Variants in YLPM1 observed in about 807,000 individuals in gnomAD.
The protein encoded by YLPM1 is YLP motif-containing protein 1.
A neutral mutation model predicts 230.0 loss-of-function variants in YLPM1; 99 were observed. The ratio of observed to expected loss-of-function variants is 0.43; its 90% confidence interval spans 0.37 to 0.51. The LOEUF (loss-of-function observed/expected upper bound fraction) is 0.51. Ranked by LOEUF, YLPM1 falls within the 20% of genes least tolerant of loss-of-function variation. The probability of loss-of-function intolerance (pLI) is 0.00; values close to 1 mark genes in which losing one functional copy is unlikely to be tolerated. For synonymous variants in YLPM1, 984 were observed against 942.5 expected (o/e 1.04, Z -0.81); for missense variants, 2,592 against 2,707.7 (o/e 0.96, Z 0.95).
rs1240098446 is a variant in YLPM1, at chr14:74,764,269, C to G, written c.780C>G (p.Val260=). ...PSAPPGNKTT[V]QQEPLESGAK... is the part of the protein sequence containing the mutation. ...CCCCCCCTGGAAATAAGACAACTGTCCAGCAAGAGCCTTTGGAGAGTGGGG... is the reference window on the plus strand; with the variant it reads ...CCCCCCCTGGAAATAAGACAACTGTGCAGCAAGAGCCTTTGGAGAGTGGGG... The change falls in exon 1 of 21, where the codon GTC becomes GTG. Residue 260 remains valine (V), a synonymous_variant. Transcript: ENST00000325680. The G allele has an allele frequency of 6.2e-7, 1 of 1,613,780 alleles. No individual in the cohort carries two copies. The highest frequency in any genetic ancestry group is 1.3e-5 in the African/African-American group (1 of 74,894).
In YLPM1 at chr14:74,799,336, C is replaced by T. The variant is rs755105593; in HGVS notation, c.4039C>T (p.Arg1347Trp). 21 of 1,613,758 alleles carry T rather than the reference C, an allele frequency of 1.3e-5. No individual in the cohort carries two copies. In the Admixed American group the frequency reaches 1.3e-4, roughly 10 times the overall value. ...ACCTCTTCCACCTTTGGATAGATATCGGGATGATAGATGGAGAGAAGAAAG... is the reference window on the plus strand; with the variant it reads ...ACCTCTTCCACCTTTGGATAGATATTGGGATGATAGATGGAGAGAAGAAAG... ...LPPLPPLDRY[R>W]DDRWREERNR... Residue 1347 changes from arginine to tryptophan, a missense_variant, in exon 5 of 21, where the codon CGG becomes TGG. This residue lies in a region of YLPM1 where 1,862 missense variants were observed against 1,819.8 expected (regional missense o/e 1.02). Transcript: ENST00000325680.
At chr14:74,804,765 A>G (rs192919231) in intron 6 of YLPM1, among the ~76,000 whole-genome samples, 10 of 152,290 alleles carry the variant, frequency 6.6e-5, no homozygotes, top group Admixed American at 1.3e-4. Context: ...GATAATAACT[A>G]TATCTTTCAT....
rs750465435 is a variant in YLPM1, at chr14:74,798,130, G to A, written c.2833G>A (p.Val945Ile). 5 of 1,613,958 alleles carry A rather than the reference G, an allele frequency of 3.1e-6. No homozygotes were observed. The highest frequency in any genetic ancestry group is 1.3e-5 in the African/African-American group (1 of 75,016). The change falls in exon 5 of 21, where the codon GTA becomes ATA. Residue 945 changes from valine to isoleucine, a missense_variant. Val to Ile is a conservative substitution (Grantham distance 29). Around this residue, in one of 4 missense-constraint regions of YLPM1, gnomAD observed 1,862 missense variants for 1,819.8 expected, o/e 1.02. Transcript: ENST00000325680. ...IDKAQAVTQP[V>I]PLANKPVPAQ... ...CAAAGCCCAAGCTGTTACTCAGCCT[G>A]TACCCCTTGCGAATAAGCCTGTACC...
intron 17 of YLPM1, among the ~76,000 whole-genome samples, chr14:74,823,589 CAT>C (rs1258195629): frequency 1.3e-5 from 2 of 151,976 alleles, no homozygotes; most frequent in Non-Finnish European, 2.9e-5. Context: ...AAGAGGAAAA[CAT>C]AATTTTAAAA....
chr14:74,829,452 A>G (rs1049378332), intron 19 of YLPM1, 109 bp downstream of exon 19: 6 of 1,447,242 alleles, frequency 4.1e-6, no homozygotes, highest in South Asian at 1.3e-5. Flanking sequence ...AGAATGATTT[A>G]GTTTACGCTA....
intron 11 of YLPM1, among the ~76,000 whole-genome samples, chr14:74,815,768 T>C (rs2091473612): frequency 6.6e-6 from 1 of 152,154 alleles, no homozygotes; most frequent in Admixed American, 6.5e-5. Flanking sequence ...CCTATTTCTT[T>C]CCTACTATAG....
intron 4 of YLPM1, among the ~76,000 whole-genome samples, chr14:74,789,347 G>A (rs1170446297): frequency 6.6e-6 from 1 of 152,126 alleles, no homozygotes; most frequent in Non-Finnish European, 1.5e-5. Context: ...TTCCCAAGTA[G>A]CTGGGATTAT....
At chr14:74,820,365 C>T (rs747247350) in intron 16 of YLPM1, among the ~76,000 whole-genome samples, 9 of 152,172 alleles carry the variant, frequency 5.9e-5, no homozygotes, top group Non-Finnish European at 1.2e-4. Context: ...CCTCTCACCT[C>T]AGCCTCCTGA....
In YLPM1 at chr14:74,812,928, A is replaced by G. The variant is rs1345852957; in HGVS notation, c.5502+146A>G. 8 of 1,083,510 alleles carry G rather than the reference A, an allele frequency of 7.4e-6. No individual in the cohort carries two copies. The African/African-American group carries it at 1.3e-4, about 17-fold the overall frequency. The allele number at this position is 1,083,510 out of a possible 1,614,324, so 67.1% of individuals were successfully genotyped here. A position where few individuals can be genotyped will look rare whatever the true frequency, so the allele number is the denominator to read the frequency against. On this transcript the variant is annotated intron_variant, in intron 11 of 20. Transcript: ENST00000325680. ...TTTACTATCTCTAAATCACCATATA[A>G]TCTCATAAATGGCCTACACTATAGA...
intron 4 of YLPM1, among the ~76,000 whole-genome samples, chr14:74,786,317 G>C (rs1323307571): frequency 6.9e-6 from 1 of 145,174 alleles, no homozygotes; most frequent in East Asian, 2.0e-4. Context: ...AGCCAAGATC[G>C]TGCCACTCTA....
Position 74,763,355 on chromosome 14 carries a change from T to C in YLPM1, c.-135T>C. 1.8e-6 allele frequency: 2 copies of C among 1,134,696 alleles called. No homozygotes were observed. Among genetic ancestry groups the C allele is most frequent in the South Asian group, 3.3e-5 (1 of 30,404 alleles). The allele number at this position is 1,134,696 out of a possible 1,614,324, so 70.3% of individuals were successfully genotyped here. A position where few individuals can be genotyped will look rare whatever the true frequency, so the allele number is the denominator to read the frequency against. On this transcript the variant is annotated 5_prime_UTR_variant, in exon 1 of 21. Transcript: ENST00000325680. ...GCCCAGCTCGGGAGCGCCGGCGCAC[T>C]GGCGCGCTCCGTTTACACGCTCCGG...
chr14:74,831,272 C>G (rs1292164311), intron 19 of YLPM1, among the ~76,000 whole-genome samples: 4 of 152,112 alleles, frequency 2.6e-5, no homozygotes, highest in African/African-American at 9.7e-5. Context: ...ATCCAGGTTT[C>G]AAAGCTTTTT....
intron 6 of YLPM1, 24 bp from the exon 7 acceptor site, chr14:74,809,356 T>G: frequency 6.3e-7 from 1 of 1,576,592 alleles, no homozygotes; most frequent in Non-Finnish European, 8.6e-7. Flanking sequence ...ACTTGTCCAC[T>G]AAGCTATTTA....
At chr14:74,827,665 G>A (rs778495472) in intron 18 of YLPM1, 26 of 985,326 alleles carry the variant, frequency 2.6e-5, no homozygotes, top group East Asian at 1.1e-4. Flanking sequence ...AAAGTTGATC[G>A]TATTAAGTTT....
intron 18 of YLPM1, among the ~76,000 whole-genome samples, chr14:74,828,585 T>TAG (rs1042283258): frequency 5.9e-5 from 9 of 152,180 alleles, no homozygotes; most frequent in Non-Finnish European, 8.8e-5. Flanking sequence ...CTGGTAAAAT[T>TAG]GTCTGACTAG....
intron 1 of YLPM1, 57 bp from the exon 2 acceptor site, chr14:74,778,390 A>T (rs1307321263): frequency 6.8e-7 from 1 of 1,473,726 alleles, no homozygotes; most frequent in Non-Finnish European, 9.2e-7. Context: ...TGTCAACACC[A>T]AGTTGCAGAG....
At chr14:74,811,437 C>G (rs778641224) in intron 9 of YLPM1, among the ~76,000 whole-genome samples, 183 bp from the exon 10 acceptor site, 1 of 151,924 alleles carries the variant, frequency 6.6e-6, no homozygotes, top group Non-Finnish European at 1.5e-5. Flanking sequence ...GAGCCGAGAT[C>G]ACGCCACTGC....
intron 16 of YLPM1, among the ~76,000 whole-genome samples, chr14:74,819,037 T>G (rs1005745688): frequency 5.3e-5 from 8 of 152,196 alleles, no homozygotes; most frequent in Admixed American, 6.5e-5. Flanking sequence ...TATTGGTGAT[T>G]TAAGCACTGA....
chr14:74,779,788 C>CCCTCCCCTCG (rs1371761426), intron 2 of YLPM1, among the ~76,000 whole-genome samples: 1 of 145,532 alleles, frequency 6.9e-6, no homozygotes, highest in African/African-American at 2.7e-5. Flanking sequence ...GACCTCTCTT[C>CCCTCCCCTCG]CCTCCCCTCC....
Sources: allele counts gnomAD v4.1 joint callset (sites outside exome capture counted in the v4.1 genomes callset), GRCh38; gene constraint gnomAD v4.1.1; regional missense constraint gnomAD v4.1.1; transcripts MANE v1.5; gene names NCBI Gene and HGNC (gene_info 2026-07-23, HGNC 2026-07-21).